Variants in GON4L observed in about 807,000 individuals in gnomAD.
GON4L encodes the protein gon-4 like.
Under a neutral mutation model 211.8 loss-of-function variants are expected in GON4L, and 87 were observed. The ratio of observed to expected loss-of-function variants is 0.41; its 90% confidence interval spans 0.35 to 0.49. The LOEUF is 0.49. Ranked by LOEUF, GON4L falls within the 20% of genes least tolerant of loss-of-function variation. The probability of loss-of-function intolerance (pLI) is 0.15; values close to 1 mark genes in which losing one functional copy is unlikely to be tolerated. For missense variants in GON4L, 2,155 were observed against 2,659.5 expected, an observed-to-expected ratio of 0.81 and a Z score of 4.17; for synonymous variants, 875 against 962.6, an observed-to-expected ratio of 0.91 and a Z score of 1.68.
At position 155,835,909 on chromosome 1, in the gene GON4L, G is replaced by A. The variant is rs991343975; in HGVS notation, c.506-8881C>T. ...GTGACCATGAAGAGACCAATAATAA[G>A]CCAAAAGGAACTGAGGGAGACCTTT... On this transcript the variant is annotated intron_variant, in intron 2 of 31. Coordinates refer to ENST00000368331, the MANE Select transcript of GON4L (RefSeq NM_001282860.2). 3.3e-4 allele frequency among the ~76,000 whole-genome samples: 50 copies of A among 152,298 alleles called. 1 individual carries two copies. The highest frequency in any genetic ancestry group is 1.2e-3 in the African/African-American group (49 of 41,562).
At chr1:155,855,066 A>T (rs1672151222) in intron 1 of GON4L, among the ~76,000 whole-genome samples, 1 of 152,070 alleles carries the variant, frequency 6.6e-6, no homozygotes, top group Non-Finnish European at 1.5e-5. Flanking sequence ...AGGCTACATT[A>T]ACAACAAACT....
intron 10 of GON4L, among the ~76,000 whole-genome samples, chr1:155,811,109 C>G (rs894839004): frequency 6.6e-6 from 1 of 151,942 alleles, no homozygotes; most frequent in African/African-American, 2.4e-5. Context: ...GAAAGAAAAT[C>G]AGGCCAAGCG....
rs148554154 is a variant in GON4L at position 155,766,221 on chromosome 1, A to T, written c.3252T>A (p.Pro1084=). The change falls in exon 21 of 32, where the codon CCT becomes CCA. Residue 1084 remains proline, a synonymous_variant. Transcript: ENST00000368331. ...AGAGCAAAGTCTGGGACTCAGACAG[A>T]GGGAAGCTTGTCCTGGCCTCAGGGG... ...AVPPEARTSF[P]LSESQTLLSS... is the part of the protein sequence containing the mutation. 1.2e-6 allele frequency: 2 copies of T among 1,614,042 alleles called. No homozygotes were observed. Among genetic ancestry groups the T allele is most frequent in the Non-Finnish European group, 1.7e-6 (2 of 1,180,046 alleles).
At chr1:155,747,850 G>A (rs769668156), downstream of GON4L, 32 of 1,594,590 alleles carry the variant, frequency 2.0e-5, no homozygotes, top group South Asian at 6.8e-5. Flanking sequence ...TATTCAGGGC[G>A]GGGAATAATA....
At chr1:155,855,896 C>T (rs1032632542) in intron 1 of GON4L, among the ~76,000 whole-genome samples, 4 of 145,268 alleles carry the variant, frequency 2.8e-5, no homozygotes, top group Admixed American at 1.4e-4. Flanking sequence ...GCAGGAGAAT[C>T]GCTTGAACCC....
chr1:155,794,657 T>C (rs1006433586), intron 12 of GON4L, among the ~76,000 whole-genome samples: 1 of 152,190 alleles, frequency 6.6e-6, no homozygotes, highest in Non-Finnish European at 1.5e-5. Flanking sequence ...CTAGTCCATA[T>C]CATACACTAG....
At chr1:155,843,542 TGA>T (rs1188142123) in intron 2 of GON4L, among the ~76,000 whole-genome samples, 1 of 152,180 alleles carries the variant, frequency 6.6e-6, no homozygotes, top group African/African-American at 2.4e-5. Context: ...AGTGTACTAA[TGA>T]TACTATCTTT....
chr1:155,810,995 C>A (rs1237122435), intron 10 of GON4L, among the ~76,000 whole-genome samples: 2 of 151,914 alleles, frequency 1.3e-5, no homozygotes, highest in Non-Finnish European at 2.9e-5. Flanking sequence ...CTCCAGCCTG[C>A]GTGACAGACT....
rs758361344 is a variant in GON4L, at chr1:155,826,849, A to C, written c.685T>G (p.Phe229Val). The C allele has an allele frequency of 1.2e-6, 2 of 1,608,644 alleles. No homozygotes were observed. Among genetic ancestry groups the C allele is most frequent in the East Asian group, 4.5e-5 (2 of 44,868 alleles). ...PEEEIEDGGL[F>V]IPMEEQDNEE... is the part of the protein sequence containing the mutation. ...AAAGAAAGCCTACCCATTGGAATGA[A>C]GAGTCCACCATCTTCTATCTCTTCC... Residue 229 changes from phenylalanine to valine, a missense_variant, in exon 3 of 32, where the codon TTC becomes GTC. Physicochemically the swap from Phe to Val is conservative, Grantham distance 50 (BLOSUM62 -1). Coordinates refer to ENST00000368331, the MANE Select transcript of GON4L (RefSeq NM_001282860.2).
At chr1:155,814,039 A>G (rs115743054) in intron 9 of GON4L, among the ~76,000 whole-genome samples, 2,174 of 152,316 alleles carry the variant, frequency 0.014, 20 homozygotes, top group Non-Finnish European at 0.022. Context: ...AAATGTGGGA[A>G]ATTAATAACA....
chr1:155,806,121 G>A (rs1000069795), intron 10 of GON4L, among the ~76,000 whole-genome samples: 1 of 151,638 alleles, frequency 6.6e-6, no homozygotes, highest in Non-Finnish European at 1.5e-5. Context: ...CCAAGTAGCT[G>A]GGACTATCGG....
chr1:155,804,956 C>T lies in GON4L; in HGVS notation c.1638G>A (p.Gly546=). The part of the protein sequence containing the change: ...WLGGLMNDDV[G]NEDEADDDDD... ...TCACAAACCAAAACTTACCTTCATT[C>T]CCCACATCATCATTCATAAGTCCCC... The change falls in exon 11 of 32, where the codon GGG becomes GGA. Residue 546 remains glycine, a synonymous_variant. Transcript: ENST00000368331. 4 of 1,612,784 alleles carry T rather than the reference C, an allele frequency of 2.5e-6. No homozygotes were observed. The highest frequency in any genetic ancestry group is 1.3e-5 in the African/African-American group (1 of 74,988).
chr1:155,767,287 A>T, intron 20 of GON4L, 138 bp downstream of exon 20: 1 of 1,581,486 alleles, frequency 6.3e-7, no homozygotes, highest in Non-Finnish European at 8.6e-7. Context: ...AAAGTAAGGG[A>T]AGAAAGGTGA....
At position 155,752,693 on chromosome 1, in the gene GON4L, A is replaced by C. The variant is rs1660731359; in HGVS notation, c.5843-103T>G. On this transcript the variant is annotated intron_variant, in intron 29 of 31. Transcript: ENST00000368331. ...GTACTGTGCAAAAATTCTAATAAAAAAGAGGGCTGGGCATGGTGGCTCACA... is the reference window on the plus strand; with the variant it reads ...GTACTGTGCAAAAATTCTAATAAAACAGAGGGCTGGGCATGGTGGCTCACA... 6.6e-6 allele frequency: 10 copies of C among 1,525,964 alleles called. No individual in the cohort carries two copies. The East Asian group carries it at 2.4e-4, about 37-fold the overall frequency. 94.5% of individuals were successfully genotyped at this position (1,525,964 alleles called of 1,614,324 possible).
intron 12 of GON4L, among the ~76,000 whole-genome samples, chr1:155,793,181 T>C (rs1163250161): frequency 6.6e-6 from 1 of 152,240 alleles, no homozygotes; most frequent in South Asian, 2.1e-4. Flanking sequence ...AACCTTTTCA[T>C]TCTACATTTT....
At chr1:155,778,951 C>A (rs555764593) in intron 14 of GON4L, among the ~76,000 whole-genome samples, 1 of 151,978 alleles carries the variant, frequency 6.6e-6, no homozygotes, top group Non-Finnish European at 1.5e-5. Context: ...GCTGTAATAT[C>A]GGGGATTCCT....
intron 8 of GON4L, 102 bp downstream of exon 8, chr1:155,815,703 A>T: frequency 1.3e-6 from 1 of 754,118 alleles, no homozygotes; most frequent in Non-Finnish European, 2.4e-6. Flanking sequence ...AATGAGCTGA[A>T]AAAAGAACCA....
chr1:155,834,716 A>G (rs1670127815), intron 2 of GON4L, among the ~76,000 whole-genome samples: 1 of 152,188 alleles, frequency 6.6e-6, no homozygotes, highest in Non-Finnish European at 1.5e-5. Flanking sequence ...CAGTTTACAA[A>G]TGCCATGGCA....
At chr1:155,748,031 C>T (rs1415811388), downstream of GON4L, 3 of 1,608,378 alleles carry the variant, frequency 1.9e-6, no homozygotes, top group South Asian at 3.3e-5. Context: ...TCTCGTGCAC[C>T]TGACTGCTCA....
Sources: allele counts gnomAD v4.1 joint callset (sites outside exome capture counted in the v4.1 genomes callset), GRCh38; gene constraint gnomAD v4.1.1; transcripts MANE v1.5; gene names NCBI Gene and HGNC (gene_info 2026-07-23, HGNC 2026-07-21).